The following PLCE1 variants were observed in gnomAD, a reference collection of about 807,000 sequenced individuals.
PLCE1 encodes the protein 1-phosphatidylinositol 4,5-bisphosphate phosphodiesterase epsilon-1.
In PLCE1, 119 loss-of-function variants were observed where a neutral mutation model predicts 242.8. The ratio of observed to expected loss-of-function variants is 0.49; its 90% CI spans 0.42 to 0.57. PLCE1 has a LOEUF of 0.57. Among genes scored for constraint, PLCE1 ranks in the 20% least tolerant of loss-of-function variants. The pLI is 0.00. For synonymous variants in PLCE1, 945 were observed against 1,017.4 expected (o/e 0.93, Z 1.35); for missense variants, 2,441 against 2,788.8 (o/e 0.88, Z 2.81).
At position 94,171,291 on chromosome 10, in the gene PLCE1, T is replaced by G; in HGVS notation, c.1604T>G (p.Val535Gly). 6.2e-7 allele frequency: 1 copy of G among 1,614,158 alleles called. No individual in the cohort carries two copies. The highest frequency in any genetic ancestry group is 8.5e-7 in the Non-Finnish European group (1 of 1,180,016). ...CCTCTCATCCAGTTCCCAGAGGAAG[T>G]CGCCAGCATCCTGATGGAGCAAGAG... ...LQPLIQFPEEVASILMEQEQT... is the reference protein window; with the variant it reads ...LQPLIQFPEEGASILMEQEQT... The change falls in exon 4 of 33, where the codon GTC (valine) becomes GGC (glycine). Residue 535 changes from valine to glycine, a missense_variant. Physicochemically the swap from Val to Gly is moderately radical, Grantham distance 109 (BLOSUM62 -3). This residue lies in a region of PLCE1 where 733 missense variants were observed against 754.2 expected (regional missense o/e 0.97). Coordinates refer to ENST00000371380, the MANE Select transcript of PLCE1 (RefSeq NM_016341.4).
At chr10:94,235,087 C>CACACACACAT (rs1318293454) in intron 6 of PLCE1, among the ~76,000 whole-genome samples, 1 of 151,686 alleles carries the variant, frequency 6.6e-6, no homozygotes, top group East Asian at 1.9e-4. Context: ...CACACACACA[C>CACACACACAT]ACACACACAC....
intron 2 of PLCE1, among the ~76,000 whole-genome samples, chr10:94,115,169 G>A (rs573535141): frequency 6.6e-6 from 1 of 151,870 alleles, no homozygotes; most frequent in South Asian, 2.1e-4. Context: ...GTCTATCATT[G>A]TTGGACATTT....
chr10:94,223,800 C>T (rs1372294499), intron 4 of PLCE1, among the ~76,000 whole-genome samples: 2 of 152,134 alleles, frequency 1.3e-5, no homozygotes, highest in Non-Finnish European at 2.9e-5. Flanking sequence ...TAGTAGCACT[C>T]CCTATGCCTA....
At chr10:94,008,084 C>T (rs569399488) in intron 1 of PLCE1, among the ~76,000 whole-genome samples, 3 of 150,216 alleles carry the variant, frequency 2.0e-5, no homozygotes, top group East Asian at 2.0e-4. Context: ...CCTACCTACA[C>T]GAGAGGCTGA....
intron 4 of PLCE1, among the ~76,000 whole-genome samples, chr10:94,206,671 A>G (rs141268855): frequency 3.4e-4 from 52 of 152,346 alleles, no homozygotes; most frequent in South Asian, 6.2e-4. Flanking sequence ...AGTAGTTGGT[A>G]AAGCCTGTCT....
At chr10:94,262,871 T>C in intron 14 of PLCE1, 139 bp downstream of exon 14, 2 of 768,110 alleles carry the variant, frequency 2.6e-6, no homozygotes, top group South Asian at 2.9e-5. Context: ...GTTTTTTTTT[T>C]TGTTTTTTTG....
chr10:94,042,683 G>A (rs1018431592), intron 2 of PLCE1, among the ~76,000 whole-genome samples: 3 of 152,182 alleles, frequency 2.0e-5, no homozygotes, highest in Non-Finnish European at 4.4e-5. Flanking sequence ...TGCGAGGGGT[G>A]TGTTGTCTAT....
At chr10:94,196,931 C>A (rs1328250690) in intron 4 of PLCE1, among the ~76,000 whole-genome samples, 1 of 152,088 alleles carries the variant, frequency 6.6e-6, no homozygotes, top group Non-Finnish European at 1.5e-5. Context: ...CACCATAAAT[C>A]AATTTTAGGA....
chr10:94,151,511 T>G (rs1564735550), intron 3 of PLCE1, among the ~76,000 whole-genome samples: 1 of 152,206 alleles, frequency 6.6e-6, no homozygotes, highest in Admixed American at 6.5e-5. Flanking sequence ...TTGGATATCT[T>G]GACTTTGAGA....
At chr10:94,057,232 A>G (rs2043932433) in intron 2 of PLCE1, among the ~76,000 whole-genome samples, 1 of 152,158 alleles carries the variant, frequency 6.6e-6, no homozygotes, top group Admixed American at 6.5e-5. Context: ...ATTACCCAAC[A>G]ATTTTTAAAA....
intron 2 of PLCE1, among the ~76,000 whole-genome samples, chr10:94,114,218 C>T (rs1244050324): frequency 6.6e-6 from 1 of 152,212 alleles, no homozygotes; most frequent in Non-Finnish European, 1.5e-5. Flanking sequence ...AGGTAAACCT[C>T]TAGAGGGGAA....
rs71031569 is a variant in PLCE1 at position 94,329,776 on chromosome 10, C to CAAAAAAAAAAAAAAAAA, written c.*1852_*1868dup. 6 of 37,950 alleles carry CAAAAAAAAAAAAAAAAA rather than the reference C, an allele frequency of 1.6e-4. No homozygotes were observed. Among genetic ancestry groups the CAAAAAAAAAAAAAAAAA allele is most frequent in the Non-Finnish European group, 2.7e-4 (6 of 21,878 alleles). The allele number at this position is 37,950 out of a possible 1,614,324, so 2.4% of individuals were successfully genotyped here. A position where few individuals can be genotyped will look rare whatever the true frequency, so the allele number is the denominator to read the frequency against. On this transcript the variant is annotated 3_prime_UTR_variant, in exon 33 of 33. Coordinates refer to ENST00000371380, the MANE Select transcript of PLCE1 (RefSeq NM_016341.4). ...CTGGTGACAGAGCGAGACTCCGTCT[C>CAAAAAAAAAAAAAAAAA]AAAAAAAAAAAAAAAAAAAAAAAAA...
At chr10:94,312,209 C>T (rs1229121334) in intron 27 of PLCE1, among the ~76,000 whole-genome samples, 3 of 152,190 alleles carry the variant, frequency 2.0e-5, no homozygotes, top group Non-Finnish European at 4.4e-5. Flanking sequence ...AAAAAAATCA[C>T]ATTGTGCAAG....
chr10:94,204,700 A>G (rs1050128266), intron 4 of PLCE1, among the ~76,000 whole-genome samples: 6 of 150,660 alleles, frequency 4.0e-5, no homozygotes, highest in Admixed American at 4.0e-4. Context: ...AGGAAGAAAG[A>G]AAGGAAGGAA....
In PLCE1 at chr10:94,291,828, G is replaced by A. The variant is rs528722753; in HGVS notation, c.5036-1680G>A. Among the ~76,000 whole-genome samples, 11 of 152,206 alleles carry A rather than the reference G, an allele frequency of 7.2e-5. No individual in the cohort carries two copies. The East Asian group carries it at 2.1e-3, about 29-fold the overall frequency. On this transcript the variant is annotated intron_variant, in intron 22 of 32. Transcript: ENST00000371380. ...TAAGTGAGCCAACGGGGTAGATGAA[G>A]GTTCTTTGTTGCTTCTTCATTATTT... is the stretch of plus-strand genomic sequence containing the variant.
At chr10:94,248,246 T>A (rs2137550854) in intron 8 of PLCE1, among the ~76,000 whole-genome samples, 1 of 152,328 alleles carries the variant, frequency 6.6e-6, no homozygotes, top group East Asian at 1.9e-4. Flanking sequence ...TAGGCCTATG[T>A]ACACAATTAT....
chr10:94,089,673 A>ATGTT (rs2044985817), intron 2 of PLCE1, among the ~76,000 whole-genome samples: 1 of 152,118 alleles, frequency 6.6e-6, no homozygotes, highest in Non-Finnish European at 1.5e-5. Flanking sequence ...AGTTTATTAG[A>ATGTT]TGTTTGTTTT....
At chr10:94,130,360 G>A (rs56379359) in intron 2 of PLCE1, among the ~76,000 whole-genome samples, 3,710 of 152,230 alleles carry the variant, frequency 0.024, 143 homozygotes, top group African/African-American at 0.084. Context: ...TGAGGGTAAA[G>A]GAGTGTATTC....
intron 1 of PLCE1, among the ~76,000 whole-genome samples, chr10:93,998,669 T>C (rs952341018): frequency 6.6e-6 from 1 of 152,160 alleles, no homozygotes; most frequent in Non-Finnish European, 1.5e-5. Flanking sequence ...CTACTAATAT[T>C]ACTGTTTCTT....
Sources: allele counts gnomAD v4.1 joint callset (sites outside exome capture counted in the v4.1 genomes callset), GRCh38; gene constraint gnomAD v4.1.1; regional missense constraint gnomAD v4.1.1; transcripts MANE v1.5; gene names NCBI Gene and HGNC (gene_info 2026-07-23, HGNC 2026-07-21).